The following SLC30A10 variants were observed in gnomAD, a reference collection of about 807,000 sequenced individuals.
SLC30A10 encodes the protein solute carrier family 30 member 10.
Under a neutral mutation model 21.7 loss-of-function variants are expected in SLC30A10, and 8 were observed. The observed-to-expected ratio is 0.37, with a 90% CI of 0.22 to 0.67. The LOEUF is 0.67. Among genes scored for constraint, SLC30A10 ranks in the 30% least tolerant of loss-of-function variants. The pLI, the probability that SLC30A10 is intolerant of heterozygous loss-of-function variation, is 0.58. For synonymous variants in SLC30A10, 272 were observed against 279.4 expected, an observed-to-expected ratio of 0.97 and a Z score of 0.26; for missense variants, 521 against 642.5, an observed-to-expected ratio of 0.81 and a Z score of 2.04.
Position 219,915,595 on chromosome 1 carries a change from C to T in SLC30A10, c.1312G>A (p.Asp438Asn). ...CTGAGGCCATCACTTCCGTATGTGT[C>T]TAGAGAGGGCCCACCATTGTGCTCA... Reference protein sequence around the residue: ...CAEHNGGPSLDTYGSDGLSRR... With the variant: ...CAEHNGGPSLNTYGSDGLSRR... Residue 438 changes from aspartate to asparagine, a missense_variant, in exon 4 of 4, where the codon GAC (aspartate) becomes AAC (asparagine). Coordinates refer to ENST00000366926, the MANE Select transcript of SLC30A10 (RefSeq NM_018713.3). 6.2e-7 allele frequency: 1 copy of T among 1,614,234 alleles called. No individual in the cohort carries two copies. Among genetic ancestry groups the T allele is most frequent in the South Asian group, 1.1e-5 (1 of 91,090 alleles).
chr1:219,925,943 G>A (rs1659814995), intron 2 of SLC30A10, among the ~76,000 whole-genome samples: 1 of 151,726 alleles, frequency 6.6e-6, no homozygotes, highest in African/African-American at 2.4e-5. Flanking sequence ...TTACAGGCGT[G>A]AGCCACCGCG....
intron 1 of SLC30A10, among the ~76,000 whole-genome samples, chr1:219,945,410 A>AAT (rs1660173300): frequency 6.6e-6 from 1 of 152,236 alleles, no homozygotes; most frequent in Non-Finnish European, 1.5e-5. Flanking sequence ...ACTTACTGAG[A>AAT]ATATAAAGTG....
At chr1:219,932,142 C>A (rs980652152), upstream of SLC30A10, among the ~76,000 whole-genome samples, 1 of 151,072 alleles carries the variant, frequency 6.6e-6, no homozygotes, top group Admixed American at 6.6e-5. Flanking sequence ...CAGCTCATTG[C>A]ACACTCCACC....
In SLC30A10 at chr1:219,927,790, C is replaced by T; in HGVS notation, c.640+11G>A. ...GGGCCAAGCGGTCCAAAGGATGCAACCGAAAGGCACCTGCTACGTTTGCGA... is the reference window on the plus strand; with the variant it reads ...GGGCCAAGCGGTCCAAAGGATGCAATCGAAAGGCACCTGCTACGTTTGCGA... On this transcript the variant is annotated intron_variant, in intron 1 of 3. Transcript: ENST00000366926. The T allele has an allele frequency of 6.5e-7, 1 of 1,531,414 alleles. No homozygotes were observed. Among genetic ancestry groups the T allele is most frequent in the Non-Finnish European group, 8.8e-7 (1 of 1,140,106 alleles). 94.9% of individuals were successfully genotyped at this position (1,531,414 alleles called of 1,614,324 possible).
chr1:219,914,903 C>A lies in SLC30A10; in HGVS notation c.*546G>T, dbSNP rs1406881163. On this transcript the variant is annotated 3_prime_UTR_variant, in exon 4 of 4. Coordinates refer to ENST00000366926, the MANE Select transcript of SLC30A10 (RefSeq NM_018713.3). ...AGAATGTTCTGAGAATATTTTCTAC[C>A]TTAATAGTTATTCATTTTATATTTA... 6.5e-6 allele frequency: 1 copy of A among 153,552 alleles called. No homozygotes were observed. The highest frequency in any genetic ancestry group is 1.4e-5 in the Non-Finnish European group (1 of 69,078). 9.5% of individuals were successfully genotyped at this position (153,552 alleles called of 1,614,324 possible).
At position 219,915,547 on chromosome 1, in the gene SLC30A10, C is replaced by T. The variant is rs1659514322; in HGVS notation, c.1360G>A (p.Ala454Thr). 4 of 1,614,240 alleles carry T rather than the reference C, an allele frequency of 2.5e-6. No homozygotes were observed. The highest frequency in any genetic ancestry group is 3.4e-6 in the Non-Finnish European group (4 of 1,180,046). The change falls in exon 4 of 4, where the codon GCT (alanine) becomes ACT (threonine). Residue 454 changes from alanine to threonine, a missense_variant. By Grantham distance (58) the Ala-to-Thr change is moderately conservative. Transcript: ENST00000366926. Reference sequence around the variant, plus strand: ...CAGCTATCCAAAGACACTTCAATAGCCACTTCTCTTGCGTCTCTTCTACTG... The same window carrying T: ...CAGCTATCCAAAGACACTTCAATAGTCACTTCTCTTGCGTCTCTTCTACTG... ...GLSRRDAREVAIEVSLDSCLS... is the reference protein window; with the variant it reads ...GLSRRDAREVTIEVSLDSCLS...
rs1280765491 is a variant in SLC30A10 at position 219,914,347 on chromosome 1, A to G, written c.*1102T>C. 6.6e-6 allele frequency: 1 copy of G among 152,236 alleles called. No homozygotes were observed. The highest frequency in any genetic ancestry group is 1.5e-5 in the Non-Finnish European group (1 of 68,038). The allele number at this position is 152,236 out of a possible 1,614,324, so 9.4% of individuals were successfully genotyped here. A position where few individuals can be genotyped will look rare whatever the true frequency, so the allele number is the denominator to read the frequency against. On this transcript the variant is annotated 3_prime_UTR_variant, in exon 4 of 4. Transcript: ENST00000366926. ...GATCAGCGACATGAAAGAAAATTTT[A>G]AGTTCCTCAAAAACACATTAAAGGC...
rs1156515269 is a variant in SLC30A10 at position 219,928,224 on chromosome 1, C to A, written c.217G>T (p.Gly73Cys). 2 of 1,566,438 alleles carry A rather than the reference C, an allele frequency of 1.3e-6. No individual in the cohort carries two copies. Among genetic ancestry groups the A allele is most frequent in the Admixed American group, 1.9e-5 (1 of 52,068 alleles). The change falls in exon 1 of 4, where the codon GGC becomes TGC. Residue 73 changes from glycine (G) to cysteine (C), a missense_variant. Transcript: ENST00000366926. The surrounding 1 kb of genome is among the most constrained non-coding windows in gnomAD (Gnocchi z 6.3). ...RPTRGFSATYGYARAEVVGAL... is the reference protein window; with the variant it reads ...RPTRGFSATYCYARAEVVGAL... ...CCCACCACCTCGGCGCGGGCGTAGCCGTAGGTGGCGCTGAAGCCCCGGGTG... is the reference window on the plus strand; with the variant it reads ...CCCACCACCTCGGCGCGGGCGTAGCAGTAGGTGGCGCTGAAGCCCCGGGTG...
In SLC30A10 at chr1:219,911,149, GTTTTT is replaced by G; in HGVS notation, c.*4295_*4299del. 4.2e-4 allele frequency among the ~76,000 whole-genome samples: 21 copies of G among 49,422 alleles called. No homozygotes were observed. The highest frequency in any genetic ancestry group is 9.8e-4 in the South Asian group (1 of 1,020). The allele number at this position is 49,422 out of a possible 152,430, so 32.4% of individuals were successfully genotyped here. A position where few individuals can be genotyped will look rare whatever the true frequency, so the allele number is the denominator to read the frequency against. On this transcript the variant is annotated 3_prime_UTR_variant, in exon 4 of 4. Coordinates refer to ENST00000366926, the MANE Select transcript of SLC30A10 (RefSeq NM_018713.3). ...ATGTTTCTTCATTTTTTCTACATCA[GTTTTT>G]TTTTTTTTTTTTTTTTTTTTGCAGT...
In SLC30A10 at chr1:219,911,976, A is replaced by G. The variant is rs1408354975; in HGVS notation, c.*3473T>C. On this transcript the variant is annotated 3_prime_UTR_variant, in exon 4 of 4. Transcript: ENST00000366926. Reference sequence around the variant, plus strand: ...CACATCAGGAGCAAGAACACATCCAATTCAAAATGTCAGTAATGCCAAGAC... The same window carrying G: ...CACATCAGGAGCAAGAACACATCCAGTTCAAAATGTCAGTAATGCCAAGAC... Among the ~76,000 whole-genome samples the G allele has an allele frequency of 6.6e-6, 1 of 152,068 alleles. No homozygotes were observed.
rs986887975 is a variant in SLC30A10 at position 219,952,078 on chromosome 1, C to A, written n.80+6490G>T. ...GTCTTGGCAAGGATAAGGTGGCCTG[C>A]CAGTTTGTGGATGTGAAATAGAGCA... On this transcript the variant is annotated intron_variant and non_coding_transcript_variant, in intron 1 of 8. Coordinates refer to the SLC30A10 transcript ENST00000484239. 1.2e-4 allele frequency among the ~76,000 whole-genome samples: 19 copies of A among 152,136 alleles called. 1 individual carries two copies. The highest frequency in any genetic ancestry group is 6.8e-3 in the Middle Eastern group (2 of 294).
Position 219,912,854 on chromosome 1 carries a change from C to CAA in SLC30A10, c.*2593_*2594dup, listed in dbSNP as rs5781151. On this transcript the variant is annotated 3_prime_UTR_variant, in exon 4 of 4. Transcript: ENST00000366926. The stretch of plus-strand genomic sequence containing the variant: ...GTCTCAAAGAAACAAACAAACAAAC[C>CAA]AAAAAAAAATTATGTCAGTTCTTTA... 8.6e-5 allele frequency among the ~76,000 whole-genome samples: 13 copies of CAA among 150,978 alleles called. No homozygotes were observed. The South Asian group carries it at 1.0e-3, about 12-fold the overall frequency.
In SLC30A10 at chr1:219,915,676, T is replaced by C. The variant is rs1288455019; in HGVS notation, c.1231A>G (p.Lys411Glu). The C allele has an allele frequency of 1.2e-6, 2 of 1,614,212 alleles. No homozygotes were observed. The highest frequency in any genetic ancestry group is 2.2e-5 in the South Asian group (2 of 91,090). The change falls in exon 4 of 4, where the codon AAG (lysine) becomes GAG (glutamate). Residue 411 changes from lysine to glutamate, a missense_variant. Physicochemically the swap from Lys to Glu is moderately conservative, Grantham distance 56 (BLOSUM62 1). Transcript: ENST00000366926. ...GCCCCGGGGGGACAACACAGCTGCT[T>C]AGCACAGCCCTTGGAGATGCAGGGT... is the stretch of plus-strand genomic sequence containing the variant. ...NSPCISKGCA[K>E]QLCCPPGALP...
rs1461717718 is a variant in SLC30A10, at chr1:219,918,655, C to G, written c.719-161G>C. The G allele has an allele frequency of 1.2e-6, 1 of 815,858 alleles. No homozygotes were observed. Among genetic ancestry groups the G allele is most frequent in the African/African-American group, 1.7e-5 (1 of 57,292 alleles). The allele number at this position is 815,858 out of a possible 1,614,324, so 50.5% of individuals were successfully genotyped here. ...GGATGAATCAAAATAATGGCAACTA[C>G]TTCTTAGGAAACAAAACCCCAGGCC... On this transcript the variant is annotated intron_variant, in intron 2 of 3. Coordinates refer to ENST00000366926, the MANE Select transcript of SLC30A10 (RefSeq NM_018713.3). This position sits in a 1 kb window ranked among gnomAD's most constrained non-coding sequence, Gnocchi z 4.4.
At chr1:219,932,063 C>CTTT (rs1271562244), upstream of SLC30A10, among the ~76,000 whole-genome samples, 1 of 138,654 alleles carries the variant, frequency 7.2e-6, no homozygotes, top group Non-Finnish European at 1.6e-5. Context: ...ACTCAATCAT[C>CTTT]TTTTTTTTTT....
At chr1:219,925,178 CTCTTCT>C (rs771622550) in intron 2 of SLC30A10, among the ~76,000 whole-genome samples, 1 of 152,170 alleles carries the variant, frequency 6.6e-6, no homozygotes, top group African/African-American at 2.4e-5. Context: ...TGAGGGCCTA[CTCTTCT>C]TCTTCTTTGC....
At chr1:219,925,652 T>TATATATATATATATATATATATATATATA (rs1491117690) in intron 2 of SLC30A10, among the ~76,000 whole-genome samples, 2 of 38,218 alleles carry the variant, frequency 5.2e-5, no homozygotes, top group Non-Finnish European at 8.6e-5. Flanking sequence ...TATATATATA[T>TATATATATATATATATATATATATATATA]TTTTTTTTTT....
chr1:219,926,981 T>C (rs775774287), intron 2 of SLC30A10, 47 bp downstream of exon 2: 46 of 1,417,572 alleles, frequency 3.2e-5, no homozygotes, highest in South Asian at 2.5e-4. Context: ...ACACAGTCCA[T>C]GTGTGTCATA....
intron 3 of SLC30A10, among the ~76,000 whole-genome samples, chr1:219,916,830 A>C (rs1020404699): frequency 6.6e-6 from 1 of 152,208 alleles, no homozygotes; most frequent in Non-Finnish European, 1.5e-5. Flanking sequence ...TCTGTATAAT[A>C]GAAATGATAA....
Sources: allele counts gnomAD v4.1 joint callset (sites outside exome capture counted in the v4.1 genomes callset), GRCh38; gene constraint gnomAD v4.1.1; non-coding constraint Gnocchi (gnomAD v3.1); transcripts MANE v1.5; gene names NCBI Gene and HGNC (gene_info 2026-07-23, HGNC 2026-07-21).